PROKR2: variants seen among roughly 807,000 people sequenced by gnomAD.
The protein encoded by PROKR2 is prokineticin receptor 2.
PROKR2 carries 26 observed loss-of-function variants against 23.4 expected under a neutral mutation model. The ratio of observed to expected loss-of-function variants is 1.11; its 90% CI spans 0.81 to 1.54. The LOEUF is 1.54. Among genes scored for constraint, PROKR2 ranks in the 40% most tolerant of loss-of-function variants. The pLI, the probability that PROKR2 is intolerant of heterozygous loss-of-function variation, is 0.00. For synonymous variants in PROKR2, 212 were observed against 201.2 expected (o/e 1.05, Z -0.45); for missense variants, 453 against 511.5 (o/e 0.89, Z 1.10).
At chr20:5,307,156 A>G (rs4349410) in intron 2 of PROKR2, among the ~76,000 whole-genome samples, 78,024 of 151,912 alleles carry the variant, frequency 0.51, 20,403 homozygotes, top group African/African-American at 0.62. Context: ...AACTGTCACA[A>G]GCAACACCCG....
At position 5,316,453 on chromosome 20, in the gene PROKR2, C is replaced by A; in HGVS notation, c.-9+41G>T. 1 of 447,242 alleles carries A rather than the reference C, an allele frequency of 2.2e-6. No individual in the cohort carries two copies. Among genetic ancestry groups the A allele is most frequent in the Non-Finnish European group, 4.5e-6 (1 of 222,062 alleles). 27.7% of individuals were successfully genotyped at this position (447,242 alleles called of 1,614,324 possible). On this transcript the variant is annotated intron_variant, in intron 1 of 2. Coordinates refer to ENST00000678254, the MANE Select transcript of PROKR2 (RefSeq NM_144773.4). This position sits in a 1 kb window ranked among gnomAD's most constrained non-coding sequence, Gnocchi z 5.0. ...CCTTGTCCTAGCGACTCCCCCACCGCACCGACTGAGTCCCGGGACTGCAGG... is the reference window on the plus strand; with the variant it reads ...CCTTGTCCTAGCGACTCCCCCACCGAACCGACTGAGTCCCGGGACTGCAGG...
In PROKR2 at chr20:5,313,850, C is replaced by T. The variant is rs8116897; in HGVS notation, c.458+62G>A. Reference sequence around the variant, plus strand: ...CTGGAGCAATGTCAGCCTGTCAGAGCCTAAATGAGGAAAGAGACAGCCTGG... The same window carrying T: ...CTGGAGCAATGTCAGCCTGTCAGAGTCTAAATGAGGAAAGAGACAGCCTGG... On this transcript the variant is annotated intron_variant, in intron 2 of 2. Coordinates refer to ENST00000678254, the MANE Select transcript of PROKR2 (RefSeq NM_144773.4). The T allele has an allele frequency of 0.48, 661,363 of 1,372,216 alleles. 161,449 individuals carry two copies. The highest frequency in any genetic ancestry group is 0.61 in the African/African-American group (42,824 of 69,956). The allele number at this position is 1,372,216 out of a possible 1,614,324, so 85.0% of individuals were successfully genotyped here. A position where few individuals can be genotyped will look rare whatever the true frequency, so the allele number is the denominator to read the frequency against.
chr20:5,310,806 G>C (rs1383683112), intron 2 of PROKR2, among the ~76,000 whole-genome samples: 2 of 152,210 alleles, frequency 1.3e-5, no homozygotes, highest in Admixed American at 1.3e-4. Flanking sequence ...TAGTCTCAGA[G>C]TCTGATTTGG....
chr20:5,304,340 A>C (rs1979134824), intron 2 of PROKR2, among the ~76,000 whole-genome samples: 1 of 152,230 alleles, frequency 6.6e-6, no homozygotes. Flanking sequence ...AACAAGCTAT[A>C]AATCAGTATG....
At chr20:5,314,981 C>T (rs924145655) in intron 1 of PROKR2, among the ~76,000 whole-genome samples, 2 of 152,206 alleles carry the variant, frequency 1.3e-5, no homozygotes, top group African/African-American at 4.8e-5. Context: ...CTGACCAAGC[C>T]ATAGACTTGG....
intron 2 of PROKR2, among the ~76,000 whole-genome samples, chr20:5,303,921 G>T (rs4815789): frequency 1.3e-5 from 2 of 151,936 alleles, no homozygotes; most frequent in South Asian, 2.1e-4. Flanking sequence ...GCTCTGGTTC[G>T]TTCCACCTTG....
Position 5,314,051 on chromosome 20 carries a change from A to C in PROKR2, c.319T>G (p.Cys107Gly). Residue 107 changes from cysteine to glycine, a missense_variant, in exon 2 of 3, where the codon TGC becomes GGC. Cys to Gly is a radical substitution (Grantham distance 159). Coordinates refer to ENST00000678254, the MANE Select transcript of PROKR2 (RefSeq NM_144773.4). ...ISDFLVAIIC[C>G]PFEMDYYVVR... The stretch of plus-strand genomic sequence containing the variant: ...ACGTAGTAGTCCATCTCGAAGGGGC[A>C]GCAGATGATGGCCACCAGGAAGTCG... The C allele has an allele frequency of 6.2e-7, 1 of 1,614,238 alleles. No homozygotes were observed. Among genetic ancestry groups the C allele is most frequent in the African/African-American group, 1.3e-5 (1 of 75,068 alleles).
At chr20:5,315,687 G>A (rs1227961830) in intron 1 of PROKR2, 3 of 362,284 alleles carry the variant, frequency 8.3e-6, no homozygotes, top group South Asian at 2.0e-5. Context: ...CCTGGGGTGC[G>A]CCCGCCAGCT....
Position 5,314,172 on chromosome 20 carries a change from G to C in PROKR2, c.198C>G (p.Val66=). ...IGIALAGIML[V]CGIGNFVFIA... ...TAAAGACAAAGTTACCGATGCCGCA[G>C]ACCAGCATGATGCCTGCCAGTGCAA... Residue 66 remains valine, a synonymous_variant, in exon 2 of 3, where the codon GTC becomes GTG. Coordinates refer to ENST00000678254, the MANE Select transcript of PROKR2 (RefSeq NM_144773.4). The C allele has an allele frequency of 6.2e-7, 1 of 1,614,218 alleles. No homozygotes were observed. Among genetic ancestry groups the C allele is most frequent in the Non-Finnish European group, 8.5e-7 (1 of 1,180,032 alleles).
rs146884926 is a variant in PROKR2 at position 5,313,857 on chromosome 20, G to A, written c.458+55C>T. 6.8e-4 allele frequency: 977 copies of A among 1,437,408 alleles called. 9 individuals are homozygous for A. The African/African-American group carries it at 0.011, about 16-fold the overall frequency. The allele number at this position is 1,437,408 out of a possible 1,614,324, so 89.0% of individuals were successfully genotyped here. On this transcript the variant is annotated intron_variant, in intron 2 of 2. Coordinates refer to ENST00000678254, the MANE Select transcript of PROKR2 (RefSeq NM_144773.4). ...AATGTCAGCCTGTCAGAGCCTAAATGAGGAAAGAGACAGCCTGGCCCAGCC... is the reference window on the plus strand; with the variant it reads ...AATGTCAGCCTGTCAGAGCCTAAATAAGGAAAGAGACAGCCTGGCCCAGCC...
At chr20:5,315,760 A>C in intron 1 of PROKR2, 1 of 438,610 alleles carries the variant, frequency 2.3e-6, no homozygotes, top group South Asian at 1.6e-5. Flanking sequence ...CCACACCCGG[A>C]GGTGTCTTCT....
chr20:5,310,389 G>A (rs1979389903), intron 2 of PROKR2, among the ~76,000 whole-genome samples: 1 of 152,100 alleles, frequency 6.6e-6, no homozygotes, highest in African/African-American at 2.4e-5. Context: ...TAGTAGGACA[G>A]GGAGGACTGT....
Position 5,302,105 on chromosome 20 carries a change from C to A in PROKR2, c.1090G>T (p.Asp364Tyr). 6.2e-7 allele frequency: 1 copy of A among 1,614,192 alleles called. No homozygotes were observed. The highest frequency in any genetic ancestry group is 1.1e-5 in the South Asian group (1 of 91,078). Reference protein sequence around the residue: ...PSQRGSKSSADLDLRTNGVPT... With the variant: ...PSQRGSKSSAYLDLRTNGVPT... ...ACCCCGTTGGTTCTGAGGTCAAGGT[C>A]AGCACTGGACTTGCTCCCCCGCTGG... Residue 364 changes from aspartate to tyrosine, a missense_variant, in exon 3 of 3, where the codon GAC becomes TAC. Physicochemically the swap from Asp to Tyr is radical, Grantham distance 160. Transcript: ENST00000678254.
chr20:5,313,139 AATT>A (rs1371551896), intron 2 of PROKR2, among the ~76,000 whole-genome samples: 2 of 110,876 alleles, frequency 1.8e-5, no homozygotes, highest in Non-Finnish European at 3.8e-5. Context: ...AAGTATTTAC[AATT>A]ATTATGTGTC....
At position 5,302,445 on chromosome 20, in the gene PROKR2, G is replaced by A; in HGVS notation, c.750C>T (p.Leu250=). ...GGAACCCAGGGACTGCCTTGAACCA[G>A]AGCTCCCGGGAGATCCTGGCATAGC... The part of the protein sequence containing the change: ...TLCYARISRE[L]WFKAVPGFQT... Residue 250 remains leucine (L), a synonymous_variant, in exon 3 of 3, where the codon CTC becomes CTT. Coordinates refer to ENST00000678254, the MANE Select transcript of PROKR2 (RefSeq NM_144773.4). The A allele has an allele frequency of 3.1e-6, 5 of 1,614,212 alleles. No homozygotes were observed. Among genetic ancestry groups the A allele is most frequent in the Non-Finnish European group, 4.2e-6 (5 of 1,180,036 alleles).
At chr20:5,313,571 T>C (rs1195355829) in intron 2 of PROKR2, among the ~76,000 whole-genome samples, 3 of 152,256 alleles carry the variant, frequency 2.0e-5, no homozygotes, top group Non-Finnish European at 2.9e-5. Context: ...CATGTTTTCC[T>C]GACTGGAAGC....
intron 1 of PROKR2, among the ~76,000 whole-genome samples, chr20:5,314,848 T>C (rs1263664490): frequency 6.6e-6 from 1 of 152,190 alleles, no homozygotes; most frequent in African/African-American, 2.4e-5. Flanking sequence ...GATGCTCCCA[T>C]GAGCTGGCCA....
In PROKR2 at chr20:5,314,022, T is replaced by C; in HGVS notation, c.348A>G (p.Val116=). The C allele has an allele frequency of 6.2e-7, 1 of 1,614,152 alleles. No individual in the cohort carries two copies. The highest frequency in any genetic ancestry group is 1.6e-4 in the Middle Eastern group (1 of 6,062). Residue 116 remains valine (V), a synonymous_variant, in exon 2 of 3, where the codon GTA becomes GTG. Transcript: ENST00000678254. Reference sequence around the variant, plus strand: ...GGCCATGCTCCCAGGAGAGCTGCCGTACCACGTAGTAGTCCATCTCGAAGG... The same window carrying C: ...GGCCATGCTCCCAGGAGAGCTGCCGCACCACGTAGTAGTCCATCTCGAAGG... The part of the protein sequence containing the change: ...CCPFEMDYYV[V]RQLSWEHGHV...
rs4815787 is a variant in PROKR2, at chr20:5,301,161, G to A, written c.*879C>T. Among the ~76,000 whole-genome samples the A allele has an allele frequency of 0.45, 68,442 of 151,904 alleles. 15,712 individuals are homozygous for A. The highest frequency in any genetic ancestry group is 0.54 in the South Asian group (2,587 of 4,824). Reference sequence around the variant, plus strand: ...TAAACCACGCACTGACAAACTTATCGTTACATTTCCATTGTGTCTAAGAGT... The same window carrying A: ...TAAACCACGCACTGACAAACTTATCATTACATTTCCATTGTGTCTAAGAGT... On this transcript the variant is annotated 3_prime_UTR_variant, in exon 3 of 3. Transcript: ENST00000678254.
Sources: allele counts gnomAD v4.1 joint callset (sites outside exome capture counted in the v4.1 genomes callset), GRCh38; gene constraint gnomAD v4.1.1; non-coding constraint Gnocchi (gnomAD v3.1); transcripts MANE v1.5; gene names NCBI Gene and HGNC (gene_info 2026-07-23, HGNC 2026-07-21).